ENOX2: variants seen among roughly 807,000 people sequenced by gnomAD.
ENOX2 encodes ecto-NOX disulfide-thiol exchanger 2.
In ENOX2, 36 loss-of-function variants were observed where a neutral mutation model predicts 45.0. The observed-to-expected ratio is 0.80, with a 90% confidence interval of 0.61 to 1.06. The LOEUF is 1.06. ENOX2 is among the 50% of genes least tolerant of loss of function. The pLI is 0.00. For synonymous variants in ENOX2, 174 were observed against 152.3 expected (o/e 1.14, Z -1.05); for missense variants, 423 against 462.5 (o/e 0.91, Z 0.78).
intron 3 of ENOX2, among the ~76,000 whole-genome samples, chrX:130,707,253 T>G (rs1352085384): frequency 3.6e-5 from 4 of 111,856 alleles, no homozygotes; most frequent in Admixed American, 2.8e-4. Context: ...TTCTGCTGTG[T>G]GACAAGTTCT....
At chrX:130,663,175 A>T (rs1253147667) in intron 9 of ENOX2, among the ~76,000 whole-genome samples, 1 of 112,426 alleles carries the variant, frequency 8.9e-6, no homozygotes, top group Non-Finnish European at 1.9e-5. Context: ...CAACCTAATA[A>T]CTACACAGAC....
chrX:130,635,375 T>C (rs1171615678), intron 11 of ENOX2, among the ~76,000 whole-genome samples: 2 of 111,795 alleles, frequency 1.8e-5, no homozygotes, highest in Admixed American at 1.9e-4. Flanking sequence ...GGGGTCAGAG[T>C]AGGATGCAGT....
intron 2 of ENOX2, among the ~76,000 whole-genome samples, chrX:130,865,349 T>C (rs143892153): frequency 0.016 from 1,738 of 111,444 alleles, 19 homozygotes; most frequent in Non-Finnish European, 0.025. Context: ...TGCCTCCCTC[T>C]GGCTGCCTCA....
At chrX:130,653,509 C>A (rs2036462131) in intron 10 of ENOX2, among the ~76,000 whole-genome samples, 1 of 110,896 alleles carries the variant, frequency 9.0e-6, no homozygotes, top group Admixed American at 9.6e-5. Flanking sequence ...CTTTTACTCC[C>A]TCCCTTCCCC....
rs181455505 is a variant in ENOX2, at chrX:130,801,596, T to C, written c.-182-17906A>G. Among the ~76,000 whole-genome samples the C allele has an allele frequency of 1.1e-3, 122 of 112,194 alleles. 1 individual carries two copies. The highest frequency in any genetic ancestry group is 3.9e-3 in the African/African-American group (120 of 30,931). ...ATAACTTCATAATACCGTAATTCAT[T>C]TGGAGCATAACTTTACACAAAAGAG... is the stretch of plus-strand genomic sequence containing the variant. On this transcript the variant is annotated intron_variant, in intron 2 of 14. Coordinates refer to ENST00000394363, the MANE Select transcript of ENOX2 (RefSeq NM_006375.4).
intron 6 of ENOX2, among the ~76,000 whole-genome samples, chrX:130,677,075 C>G (rs2037172822): frequency 9.0e-6 from 1 of 111,715 alleles, no homozygotes; most frequent in Non-Finnish European, 1.9e-5. Flanking sequence ...TGTACTTTTG[C>G]TCATGCTGTT....
intron 12 of ENOX2, among the ~76,000 whole-genome samples, chrX:130,632,127 G>A (rs909980315): frequency 9.0e-6 from 1 of 111,354 alleles, no homozygotes; most frequent in Non-Finnish European, 1.9e-5. Flanking sequence ...TGAATCAACT[G>A]TTGGTTTTTG....
At chrX:130,709,254 A>G (rs1316587997) in intron 3 of ENOX2, 2 of 1,207,427 alleles carry the variant, frequency 1.7e-6, no homozygotes, top group East Asian at 5.9e-5. Flanking sequence ...TGCATAGCCT[A>G]TTTCGTAGAC....
Position 130,626,479 on chromosome X carries a change from C to T in ENOX2, c.1615-1034G>A, listed in dbSNP as rs185508701. ...GTGGGATTGTGCGTGGTAACTTGCA[C>T]TTTACTAGATTTCTACACTGCTTAC... is the stretch of plus-strand genomic sequence containing the variant. On this transcript the variant is annotated intron_variant, in intron 14 of 14. Coordinates refer to ENST00000394363, the MANE Select transcript of ENOX2 (RefSeq NM_006375.4). Among the ~76,000 whole-genome samples the T allele has an allele frequency of 3.7e-3, 421 of 112,396 alleles. 4 individuals are homozygous for T. The highest frequency in any genetic ancestry group is 0.013 in the African/African-American group (407 of 30,960).
intron 3 of ENOX2, among the ~76,000 whole-genome samples, chrX:130,779,030 T>C (rs1174692681): frequency 8.9e-6 from 1 of 112,859 alleles, no homozygotes; most frequent in Non-Finnish European, 1.9e-5. Flanking sequence ...TTTTCCACTT[T>C]AGTGGAAGTA....
Position 130,665,524 on chromosome X carries a change from G to A in ENOX2, c.1014+119C>T. The A allele has an allele frequency of 6.0e-6, 3 of 502,074 alleles. No individual in the cohort carries two copies. The South Asian group carries it at 8.7e-5, about 15-fold the overall frequency. The allele number at this position is 502,074 out of a possible 1,213,427, so 41.4% of individuals were successfully genotyped here. On this transcript the variant is annotated intron_variant, in intron 9 of 14. Transcript: ENST00000394363. ...AGAACATATCTTAGTGTTTCATTAG[G>A]GCCTTATTGTGACCATGGGAGCTTG...
At chrX:130,838,975 C>T (rs192568042) in intron 2 of ENOX2, among the ~76,000 whole-genome samples, 1 of 112,116 alleles carries the variant, frequency 8.9e-6, no homozygotes, top group African/African-American at 3.2e-5. Flanking sequence ...ATACACAATG[C>T]AGTGAATCTA....
At chrX:130,874,727 T>C (rs969781773) in intron 2 of ENOX2, among the ~76,000 whole-genome samples, 3 of 111,486 alleles carry the variant, frequency 2.7e-5, no homozygotes, top group African/African-American at 9.8e-5. Context: ...ACAACACATA[T>C]ACACACATAC....
chrX:130,709,154 T>C, intron 3 of ENOX2: 1 of 802,899 alleles, frequency 1.2e-6, no homozygotes, highest in East Asian at 3.2e-5. Context: ...CACCCTTTAC[T>C]GTGACTAGCT....
rs192593565 is a variant in ENOX2, at chrX:130,715,377, G to A, written c.-38-12123C>T. On this transcript the variant is annotated intron_variant, in intron 3 of 14. Transcript: ENST00000394363. ...CAATGCTATATATACACATACAACC[G>A]CATGAGGCAGTGACTAATGGCTCTG... Among the ~76,000 whole-genome samples, 707 of 112,018 alleles carry A rather than the reference G, an allele frequency of 6.3e-3. 8 individuals are homozygous for A. The highest frequency in any genetic ancestry group is 0.022 in the African/African-American group (667 of 30,814).
At chrX:130,750,648 A>T (rs1288086940) in intron 3 of ENOX2, among the ~76,000 whole-genome samples, 1 of 110,310 alleles carries the variant, frequency 9.1e-6, no homozygotes. Flanking sequence ...CATCTCGGTC[A>T]GTCTCTTTGT....
intron 9 of ENOX2, among the ~76,000 whole-genome samples, chrX:130,657,718 C>T (rs1395797964): frequency 3.6e-5 from 4 of 112,035 alleles, no homozygotes; most frequent in African/African-American, 1.3e-4. Flanking sequence ...AAAACAAAGT[C>T]AACATTCTTT....
At chrX:130,823,331 T>C (rs752368716) in intron 2 of ENOX2, among the ~76,000 whole-genome samples, 2 of 111,042 alleles carry the variant, frequency 1.8e-5, no homozygotes, top group South Asian at 7.7e-4. Context: ...CCTTAGGGGA[T>C]AGGATGGCTG....
At chrX:130,810,057 C>A in intron 2 of ENOX2, among the ~76,000 whole-genome samples, 1 of 110,850 alleles carries the variant, frequency 9.0e-6, no homozygotes, top group Admixed American at 9.6e-5. Context: ...GTAAGACAGA[C>A]AGTTTTATAC....
Sources: gnomAD v4.1 joint callset for allele counts (sites outside exome capture counted in the v4.1 genomes callset) on GRCh38, gnomAD v4.1.1 for gene constraint, MANE v1.5 for transcripts, NCBI Gene and HGNC (gene_info 2026-07-23, HGNC 2026-07-21) for gene names.